FBXL7: variants seen among roughly 807,000 people sequenced by gnomAD.
The protein encoded by FBXL7 is F-box and leucine rich repeat protein 7.
In FBXL7, 12 loss-of-function variants were observed where a neutral mutation model predicts 38.3. That is an observed-to-expected ratio of 0.31 (90% CI 0.20 to 0.51). The LOEUF is 0.51. FBXL7 is among the 20% of genes least tolerant of loss of function. The pLI is 0.98. For missense variants in FBXL7, 567 were observed against 676.4 expected (o/e 0.84, Z 1.79); for synonymous variants, 297 against 300.9 (o/e 0.99, Z 0.13).
intron 1 of FBXL7, among the ~76,000 whole-genome samples, chr5:15,606,094 G>A (rs1740002984): frequency 1.3e-5 from 2 of 152,146 alleles, no homozygotes; most frequent in African/African-American, 4.8e-5. Context: ...ATGTAACAGG[G>A]CATGGTTATT....
chr5:15,589,735 C>T (rs557924383), intron 1 of FBXL7, among the ~76,000 whole-genome samples: 2 of 152,286 alleles, frequency 1.3e-5, no homozygotes, highest in African/African-American at 2.4e-5. Context: ...GGGGTAACAT[C>T]AGGCCATGCA....
At chr5:15,869,112 A>G (rs761572571) in intron 2 of FBXL7, among the ~76,000 whole-genome samples, 1 of 152,198 alleles carries the variant, frequency 6.6e-6, no homozygotes, top group Non-Finnish European at 1.5e-5. Context: ...TCCATGCCAC[A>G]TAAGCTTCTC....
At chr5:15,866,169 T>C (rs906535898) in intron 2 of FBXL7, among the ~76,000 whole-genome samples, 2 of 152,182 alleles carry the variant, frequency 1.3e-5, no homozygotes, top group African/African-American at 2.4e-5. Context: ...TCCCTAGAAA[T>C]TGTGCGAATG....
At chr5:15,539,653 TCACACTGCTGGGTCCCTCCTG>T (rs1477046072) in intron 1 of FBXL7, among the ~76,000 whole-genome samples, 1 of 152,146 alleles carries the variant, frequency 6.6e-6, no homozygotes, top group East Asian at 1.9e-4. Flanking sequence ...CTCCCATAGT[TCACACTGCTGGGTCCCTCCTG>T]CTGGGGGGCA....
chr5:15,890,530 C>T (rs1057189528), intron 2 of FBXL7, among the ~76,000 whole-genome samples: 4 of 152,122 alleles, frequency 2.6e-5, no homozygotes, highest in South Asian at 4.1e-4. Context: ...TGTGAGTCAC[C>T]GTGCCCGGCT....
At chr5:15,783,736 G>A (rs1018692972) in intron 2 of FBXL7, among the ~76,000 whole-genome samples, 1 of 152,128 alleles carries the variant, frequency 6.6e-6, no homozygotes, top group African/African-American at 2.4e-5. Context: ...GGTGAAGGGA[G>A]CATTCAGAGA....
At chr5:15,816,542 A>G (rs1037766645) in intron 2 of FBXL7, among the ~76,000 whole-genome samples, 3 of 152,212 alleles carry the variant, frequency 2.0e-5, no homozygotes, top group Non-Finnish European at 2.9e-5. Flanking sequence ...GTACACGTAC[A>G]TGTAATGTAC....
At chr5:15,797,955 C>T (rs1211650364) in intron 2 of FBXL7, among the ~76,000 whole-genome samples, 1 of 152,050 alleles carries the variant, frequency 6.6e-6, no homozygotes, top group African/African-American at 2.4e-5. Context: ...GGATTTTTTT[C>T]CACTTAATTT....
chr5:15,771,776 T>C lies in FBXL7; in HGVS notation c.127+155704T>C, dbSNP rs1464686820. Among the ~76,000 whole-genome samples the C allele has an allele frequency of 4.0e-5, 6 of 150,470 alleles. No homozygotes were observed. In the South Asian group the frequency reaches 1.1e-3, roughly 27 times the overall value. On this transcript the variant is annotated intron_variant, in intron 2 of 3. Transcript: ENST00000504595. ...AAGGTCAAAGGATTAACAGATTTTT[T>C]TTTTTTTTTTTTTTTTGAGACAGAG...
chr5:15,700,820 GTA>G (rs1743497006), intron 2 of FBXL7, among the ~76,000 whole-genome samples: 1 of 151,922 alleles, frequency 6.6e-6, no homozygotes, highest in Non-Finnish European at 1.5e-5. Flanking sequence ...TTTTTCTACA[GTA>G]TCATTGTTAC....
chr5:15,573,102 C>G (rs1171932853), intron 1 of FBXL7, among the ~76,000 whole-genome samples: 1 of 152,164 alleles, frequency 6.6e-6, no homozygotes, highest in Non-Finnish European at 1.5e-5. Flanking sequence ...CTGGACACAT[C>G]TCTGTGATTT....
At chr5:15,854,206 A>G (rs966087600) in intron 2 of FBXL7, among the ~76,000 whole-genome samples, 1 of 152,222 alleles carries the variant, frequency 6.6e-6, no homozygotes, top group African/African-American at 2.4e-5. Context: ...TTTATCAGAC[A>G]CATATAGGGC....
At chr5:15,880,106 C>T (rs1014199241) in intron 2 of FBXL7, among the ~76,000 whole-genome samples, 5 of 152,204 alleles carry the variant, frequency 3.3e-5, no homozygotes, top group Admixed American at 1.3e-4. Context: ...TCACAGCTGC[C>T]TTCCATGATG....
chr5:15,561,218 A>T (rs759256855), intron 1 of FBXL7, among the ~76,000 whole-genome samples: 3 of 152,100 alleles, frequency 2.0e-5, no homozygotes, highest in Non-Finnish European at 4.4e-5. Context: ...CTTGACCTCT[A>T]TCTATTCCTT....
chr5:15,704,164 C>T (rs1743611545), intron 2 of FBXL7, among the ~76,000 whole-genome samples: 1 of 152,132 alleles, frequency 6.6e-6, no homozygotes, highest in Non-Finnish European at 1.5e-5. Flanking sequence ...CAGCAGCTTT[C>T]GATGAGTGCA....
chr5:15,502,944 A>G (rs1736538215), intron 1 of FBXL7, among the ~76,000 whole-genome samples: 2 of 152,236 alleles, frequency 1.3e-5, no homozygotes. Flanking sequence ...TCTGTATGGT[A>G]TATCTCAAAC....
intron 2 of FBXL7, among the ~76,000 whole-genome samples, chr5:15,873,601 A>G (rs1740068399): frequency 1.3e-5 from 2 of 152,214 alleles, no homozygotes; most frequent in African/African-American, 4.8e-5. Flanking sequence ...CTGATCCCGC[A>G]GAAATACAAA....
chr5:15,789,456 C>G (rs1737218638), intron 2 of FBXL7, among the ~76,000 whole-genome samples: 1 of 152,164 alleles, frequency 6.6e-6, no homozygotes, highest in Admixed American at 6.5e-5. Context: ...CAACCCCATC[C>G]TCTTCTCCAC....
intron 2 of FBXL7, among the ~76,000 whole-genome samples, chr5:15,654,442 G>T (rs1024770094): frequency 2.1e-5 from 3 of 145,984 alleles, no homozygotes; most frequent in African/African-American, 5.0e-5. Context: ...AGGCAAAACT[G>T]TTTTTTCTAA....
Sources: gnomAD v4.1 joint callset for allele counts (sites outside exome capture counted in the v4.1 genomes callset) on GRCh38, gnomAD v4.1.1 for gene constraint, MANE v1.5 for transcripts, NCBI Gene and HGNC (gene_info 2026-07-23, HGNC 2026-07-21) for gene names.